GABRG3: variants seen among roughly 807,000 people sequenced by gnomAD.
GABRG3 encodes the protein gamma-aminobutyric acid type A receptor subunit gamma3.
In GABRG3, 25 loss-of-function variants were observed where a neutral mutation model predicts 48.8. The ratio of observed to expected loss-of-function variants is 0.51; its 90% CI spans 0.37 to 0.72. GABRG3 has a LOEUF of 0.72. GABRG3 is among the 30% of genes least tolerant of loss of function. The probability of loss-of-function intolerance (pLI) is 0.00; values close to 1 mark genes in which losing one functional copy is unlikely to be tolerated. For synonymous variants in GABRG3, 227 were observed against 217.6 expected (o/e 1.04, Z -0.38); for missense variants, 394 against 577.9 (o/e 0.68, Z 3.26).
intron 3 of GABRG3, among the ~76,000 whole-genome samples, chr15:27,313,240 A>ATG (rs1169973611): frequency 0.019 from 1,058 of 56,326 alleles, 26 homozygotes; most frequent in South Asian, 0.026. Context: ...ATATGTATAT[A>ATG]TGTGTGTGTG....
intron 3 of GABRG3, among the ~76,000 whole-genome samples, chr15:27,052,217 C>G (rs1896467847): frequency 6.6e-6 from 1 of 152,178 alleles, no homozygotes; most frequent in Non-Finnish European, 1.5e-5. Flanking sequence ...CATGAAATTT[C>G]TGGTGGGGAC....
At chr15:27,203,831 A>C (rs920838616) in intron 3 of GABRG3, among the ~76,000 whole-genome samples, 1 of 152,132 alleles carries the variant, frequency 6.6e-6, no homozygotes, top group South Asian at 2.1e-4. Flanking sequence ...GGCTGCATGC[A>C]TGTCTTCTTT....
rs1420406047 is a variant in GABRG3, at chr15:27,073,557, A to G, written c.270+46736A>G. ...GTCCTTTATAATTCTGCCTGCTATC[A>G]TATAGCTCCAGATGCACATTCCTGG... On this transcript the variant is annotated intron_variant, in intron 3 of 9. Coordinates refer to ENST00000615808, the MANE Select transcript of GABRG3 (RefSeq NM_033223.5). Among the ~76,000 whole-genome samples, 7 of 152,328 alleles carry G rather than the reference A, an allele frequency of 4.6e-5. 1 individual carries two copies. Among genetic ancestry groups the G allele is most frequent in the African/African-American group, 1.7e-4 (7 of 41,576 alleles).
At chr15:27,196,366 G>A (rs77961720) in intron 3 of GABRG3, among the ~76,000 whole-genome samples, 1 of 152,034 alleles carries the variant, frequency 6.6e-6, no homozygotes, top group African/African-American at 2.4e-5. Flanking sequence ...GCCCCTGCCC[G>A]ACTTGCTGTC....
At chr15:27,488,279 A>G (rs1452669771) in intron 6 of GABRG3, among the ~76,000 whole-genome samples, 1 of 152,198 alleles carries the variant, frequency 6.6e-6, no homozygotes, top group Non-Finnish European at 1.5e-5. Flanking sequence ...ACAGCCATTT[A>G]CTTCCATAAT....
chr15:27,048,346 G>A (rs760793821), intron 3 of GABRG3, among the ~76,000 whole-genome samples: 5 of 152,200 alleles, frequency 3.3e-5, no homozygotes, highest in Non-Finnish European at 7.3e-5. Flanking sequence ...GCAAGCTCCA[G>A]GTGCCAGGCT....
chr15:27,505,082 T>C (rs1890730639), intron 6 of GABRG3, among the ~76,000 whole-genome samples: 1 of 152,202 alleles, frequency 6.6e-6, no homozygotes, highest in South Asian at 2.1e-4. Context: ...CAATTATTGA[T>C]ACCACGTTGC....
At chr15:27,026,057 T>G (rs1895977632) in intron 2 of GABRG3, among the ~76,000 whole-genome samples, 1 of 152,198 alleles carries the variant, frequency 6.6e-6, no homozygotes. Context: ...CAGGGTAGCC[T>G]CTGACATACG....
At chr15:27,331,337 C>A (rs1893794477) in intron 5 of GABRG3, among the ~76,000 whole-genome samples, 1 of 152,088 alleles carries the variant, frequency 6.6e-6, no homozygotes, top group Admixed American at 6.6e-5. Flanking sequence ...TTGGAAGCAA[C>A]CAAGATGTCC....
At chr15:27,501,411 T>C (rs1378139233) in intron 6 of GABRG3, among the ~76,000 whole-genome samples, 1 of 152,184 alleles carries the variant, frequency 6.6e-6, no homozygotes, top group African/African-American at 2.4e-5. Context: ...CAGATAGTTA[T>C]GGGACGAAAC....
intron 5 of GABRG3, among the ~76,000 whole-genome samples, chr15:27,402,355 A>G (rs939190544): frequency 6.6e-6 from 1 of 152,234 alleles, no homozygotes; most frequent in Non-Finnish European, 1.5e-5. Context: ...GGAAGGAATA[A>G]ACAGAAGGAT....
At chr15:27,197,131 ATT>A (rs996474854) in intron 3 of GABRG3, among the ~76,000 whole-genome samples, 1 of 151,910 alleles carries the variant, frequency 6.6e-6, no homozygotes, top group Non-Finnish European at 1.5e-5. Flanking sequence ...TTGAATTGTG[ATT>A]TTTTTTATTT....
intron 5 of GABRG3, among the ~76,000 whole-genome samples, chr15:27,359,743 C>T (rs9672606): frequency 0.013 from 1,910 of 152,240 alleles, 45 homozygotes; most frequent in African/African-American, 0.044. Context: ...GGTTTTTGAA[C>T]GTTACATAGA....
chr15:27,149,057 A>G (rs1898261951), intron 3 of GABRG3, among the ~76,000 whole-genome samples: 2 of 152,056 alleles, frequency 1.3e-5, no homozygotes, highest in African/African-American at 4.8e-5. Flanking sequence ...AAGGAAGTAA[A>G]ACTGTATTTG....
At chr15:27,146,410 T>C (rs977378783) in intron 3 of GABRG3, among the ~76,000 whole-genome samples, 1 of 152,132 alleles carries the variant, frequency 6.6e-6, no homozygotes, top group African/African-American at 2.4e-5. Context: ...TGAGCTGAGA[T>C]TGTGCCACTG....
intron 5 of GABRG3, among the ~76,000 whole-genome samples, chr15:27,465,702 A>C (rs1232466695): frequency 6.6e-6 from 1 of 152,162 alleles, no homozygotes; most frequent in East Asian, 1.9e-4. Flanking sequence ...TCCTCCCTGC[A>C]CTGAGTTTGC....
chr15:27,350,812 G>C (rs540734323), intron 5 of GABRG3, among the ~76,000 whole-genome samples: 11 of 152,312 alleles, frequency 7.2e-5, no homozygotes, highest in Admixed American at 7.2e-4. Flanking sequence ...TTTGTGGCCT[G>C]GGCTGACAAA....
rs1417702651 is a variant in GABRG3, at chr15:27,263,927, A to C, written c.271-62882A>C. 4.6e-4 allele frequency among the ~76,000 whole-genome samples: 8 copies of C among 17,392 alleles called. No individual in the cohort carries two copies. In the South Asian group the frequency reaches 7.3e-3, roughly 16 times the overall value. 11.4% of individuals were successfully genotyped at this position (17,392 alleles called of 152,430 possible). On this transcript the variant is annotated intron_variant, in intron 3 of 9. Coordinates refer to ENST00000615808, the MANE Select transcript of GABRG3 (RefSeq NM_033223.5). ...GGCGAAAGAGCGAGACTCTGTCAAA[A>C]AAAAAAAAAAAGAAAAAGAAAAAAA...
chr15:27,371,142 AAAC>A (rs1182911207), intron 5 of GABRG3, among the ~76,000 whole-genome samples: 1 of 152,102 alleles, frequency 6.6e-6, no homozygotes, highest in African/African-American at 2.4e-5. Flanking sequence ...CCAGAATTAG[AAAC>A]AACATTTTGT....
Sources: allele counts gnomAD v4.1 joint callset (sites outside exome capture counted in the v4.1 genomes callset), GRCh38; gene constraint gnomAD v4.1.1; transcripts MANE v1.5; gene names NCBI Gene and HGNC (gene_info 2026-07-23, HGNC 2026-07-21).